Variants in PAPPA observed in about 807,000 individuals in gnomAD.
PAPPA encodes pappalysin 1.
Under a neutral mutation model 164.0 loss-of-function variants are expected in PAPPA, and 60 were observed. That is an observed-to-expected ratio of 0.37 (90% CI 0.30 to 0.45). The LOEUF (loss-of-function observed/expected upper bound fraction) is 0.45. PAPPA is among the 20% of genes least tolerant of loss of function. PAPPA has a pLI of 1.00. For synonymous variants in PAPPA, 875 were observed against 814.1 expected (o/e 1.07, Z -1.27); for missense variants, 1,782 against 2,087.3 (o/e 0.85, Z 2.85).
intron 18 of PAPPA, among the ~76,000 whole-genome samples, chr9:116,364,887 C>T (rs77371067): frequency 6.6e-6 from 1 of 152,270 alleles, no homozygotes; most frequent in Non-Finnish European, 1.5e-5. Flanking sequence ...CAAGTCCCCA[C>T]GGCTGGCACC....
chr9:116,268,870 C>T (rs1845105122), intron 8 of PAPPA, among the ~76,000 whole-genome samples: 1 of 150,360 alleles, frequency 6.7e-6, no homozygotes, highest in Non-Finnish European at 1.5e-5. Flanking sequence ...GGAAGGAAAA[C>T]TTTGGGGAAA....
chr9:116,173,703 C>T (rs544286366), intron 1 of PAPPA, among the ~76,000 whole-genome samples: 5 of 152,180 alleles, frequency 3.3e-5, no homozygotes, highest in Admixed American at 2.6e-4. Context: ...TGATGATTCA[C>T]CTTGTGCTAG....
chr9:116,244,523 C>T (rs188840410), intron 7 of PAPPA, among the ~76,000 whole-genome samples: 45 of 152,038 alleles, frequency 3.0e-4, no homozygotes, highest in African/African-American at 1.1e-3. Flanking sequence ...ATAGTACACA[C>T]AAAATTATAA....
chr9:116,233,516 G>T (rs1844623047), intron 6 of PAPPA, among the ~76,000 whole-genome samples: 1 of 152,166 alleles, frequency 6.6e-6, no homozygotes, highest in African/African-American at 2.4e-5. Flanking sequence ...AATAATGAAT[G>T]AAACTAGCCA....
At chr9:116,355,841 AG>A (rs1364147523) in intron 17 of PAPPA, among the ~76,000 whole-genome samples, 1 of 152,234 alleles carries the variant, frequency 6.6e-6, no homozygotes, top group Non-Finnish European at 1.5e-5. Context: ...GTCTGCTCAA[AG>A]AATGAGGGTG....
intron 2 of PAPPA, among the ~76,000 whole-genome samples, chr9:116,192,212 A>T (rs1844051499): frequency 6.6e-6 from 1 of 152,310 alleles, no homozygotes; most frequent in African/African-American, 2.4e-5. Flanking sequence ...TCCCAAGGAC[A>T]CAGAGCAGGG....
chr9:116,296,645 A>G (rs1425599557), intron 9 of PAPPA, among the ~76,000 whole-genome samples: 1 of 152,182 alleles, frequency 6.6e-6, no homozygotes, highest in African/African-American at 2.4e-5. Context: ...AAGACTTGCA[A>G]AGGAGATGCT....
chr9:116,256,316 A>G (rs918339439), intron 7 of PAPPA, among the ~76,000 whole-genome samples: 43 of 152,040 alleles, frequency 2.8e-4, no homozygotes, highest in African/African-American at 9.6e-4. Context: ...CAATTTTCAC[A>G]GTTAAGATGA....
intron 10 of PAPPA, among the ~76,000 whole-genome samples, chr9:116,315,509 A>C (rs560512347): frequency 6.6e-6 from 1 of 152,248 alleles, no homozygotes; most frequent in Non-Finnish European, 1.5e-5. Context: ...GGCAAAAAGT[A>C]GGAAACAGCT....
chr9:116,268,704 G>GT lies in PAPPA; in HGVS notation c.2862-2612dup, dbSNP rs995538167. On this transcript the variant is annotated intron_variant, in intron 8 of 21. Coordinates refer to ENST00000328252, the MANE Select transcript of PAPPA (RefSeq NM_002581.5). ...AATTTTAAATAGTATACTTAATACA[G>GT]TTTTTTTTTAGTATTTTTACCTAGA... is the stretch of plus-strand genomic sequence containing the variant. Among the ~76,000 whole-genome samples the GT allele has an allele frequency of 4.9e-3, 580 of 117,816 alleles. 3 individuals are homozygous for GT. Among genetic ancestry groups the GT allele is most frequent in the African/African-American group, 0.017 (543 of 31,466 alleles). 77.3% of individuals were successfully genotyped at this position (117,816 alleles called of 152,430 possible).
intron 9 of PAPPA, among the ~76,000 whole-genome samples, chr9:116,298,860 G>A (rs945427386): frequency 7.7e-6 from 1 of 130,488 alleles, no homozygotes; most frequent in African/African-American, 2.5e-5. Flanking sequence ...ATTTGACCTT[G>A]GTATTGACTT....
intron 7 of PAPPA, among the ~76,000 whole-genome samples, chr9:116,241,488 C>A (rs961579140): frequency 2.6e-5 from 4 of 152,152 alleles, no homozygotes; most frequent in African/African-American, 9.7e-5. Context: ...GGGATCCCAG[C>A]CTGTTTGGAA....
At chr9:116,359,051 C>T (rs1846389211) in intron 17 of PAPPA, among the ~76,000 whole-genome samples, 2 of 152,162 alleles carry the variant, frequency 1.3e-5, no homozygotes, top group Non-Finnish European at 2.9e-5. Flanking sequence ...GAACTTGAGG[C>T]ATAGAGAAGT....
intron 10 of PAPPA, among the ~76,000 whole-genome samples, chr9:116,322,181 C>T (rs536869315): frequency 6.6e-6 from 1 of 152,134 alleles, no homozygotes. Flanking sequence ...AATCCTAGCA[C>T]TTTGGTAGGC....
At chr9:116,333,213 G>A (rs1846016594) in intron 12 of PAPPA, among the ~76,000 whole-genome samples, 1 of 152,174 alleles carries the variant, frequency 6.6e-6, no homozygotes, top group Non-Finnish European at 1.5e-5. Context: ...GAGAAGGTGA[G>A]CAATCTTCCT....
intron 17 of PAPPA, among the ~76,000 whole-genome samples, chr9:116,356,070 T>G (rs560584392): frequency 6.6e-6 from 1 of 152,180 alleles, no homozygotes; most frequent in South Asian, 2.1e-4. Flanking sequence ...TTTCAGATCC[T>G]GGCGGGAAAG....
intron 20 of PAPPA, among the ~76,000 whole-genome samples, chr9:116,380,679 T>C (rs894366389): frequency 1.3e-5 from 2 of 152,244 alleles, no homozygotes; most frequent in African/African-American, 4.8e-5. Context: ...GAGTCACACC[T>C]GAACCCACAG....
intron 7 of PAPPA, among the ~76,000 whole-genome samples, 156 bp from the exon 8 acceptor site, chr9:116,265,701 A>G (rs947662220): frequency 1.4e-4 from 22 of 152,244 alleles, no homozygotes; most frequent in Admixed American, 1.2e-3. Flanking sequence ...TGATGTAGCC[A>G]TAGTGGACAA....
In PAPPA at chr9:116,396,766, G is replaced by A; in HGVS notation, c.*150G>A. The A allele has an allele frequency of 1.7e-6, 1 of 603,090 alleles. No individual in the cohort carries two copies. Among genetic ancestry groups the A allele is most frequent in the East Asian group, 2.8e-5 (1 of 36,284 alleles). The allele number at this position is 603,090 out of a possible 1,614,324, so 37.4% of individuals were successfully genotyped here. ...TCTGCCTTTAATTTTACCCAGGAAG[G>A]ACTCACATTGGGGCGAATGAACCAA... is the stretch of plus-strand genomic sequence containing the variant. On this transcript the variant is annotated 3_prime_UTR_variant, in exon 22 of 22. Coordinates refer to ENST00000328252, the MANE Select transcript of PAPPA (RefSeq NM_002581.5).
Sources: allele counts gnomAD v4.1 joint callset (sites outside exome capture counted in the v4.1 genomes callset), GRCh38; gene constraint gnomAD v4.1.1; transcripts MANE v1.5; gene names NCBI Gene and HGNC (gene_info 2026-07-23, HGNC 2026-07-21).